C12orf56: variants seen among roughly 807,000 people sequenced by gnomAD.
C12orf56 encodes the protein chromosome 12 open reading frame 56.
Under a neutral mutation model 69.9 loss-of-function variants are expected in C12orf56, and 71 were observed. The ratio of observed to expected loss-of-function variants is 1.02; its 90% confidence interval spans 0.84 to 1.24. The LOEUF (loss-of-function observed/expected upper bound fraction) is 1.24, where lower values mean the gene tolerates loss of function less well. Ranked by LOEUF, C12orf56 falls within the 50% of genes most tolerant of loss-of-function variation. C12orf56 has a pLI of 0.00. For synonymous variants in C12orf56, 276 were observed against 274.1 expected, an observed-to-expected ratio of 1.01 and a Z score of -0.07; for missense variants, 732 against 738.5, an observed-to-expected ratio of 0.99 and a Z score of 0.10.
At chr12:64,364,173 T>G (rs1055263350) in intron 1 of C12orf56, among the ~76,000 whole-genome samples, 3 of 151,652 alleles carry the variant, frequency 2.0e-5, no homozygotes, top group African/African-American at 7.3e-5. Context: ...ATTAGGCGGG[T>G]GTGATGGCAT....
chr12:64,267,527 G>T (rs1038597442), intron 12 of C12orf56: 28 of 516,524 alleles, frequency 5.4e-5, no homozygotes, highest in Non-Finnish European at 6.9e-6. Context: ...CTGACATGTG[G>T]ACTGTCCTCA....
rs896561741 is a variant in C12orf56 at position 64,390,200 on chromosome 12, G to C, written c.252+114C>G. 3 of 1,320,940 alleles carry C rather than the reference G, an allele frequency of 2.3e-6. No individual in the cohort carries two copies. The South Asian group carries it at 4.6e-5, about 20-fold the overall frequency. 81.8% of individuals were successfully genotyped at this position (1,320,940 alleles called of 1,614,324 possible). On this transcript the variant is annotated intron_variant, in intron 1 of 12. Coordinates refer to ENST00000543942, the MANE Select transcript of C12orf56 (RefSeq NM_001170633.2). ...TTCCTCGTTCTCAAATAAGAGGAGG[G>C]GAGTCGAGGGCAGGATGGGGCAGCC...
chr12:64,317,724 C>A (rs1445362901), intron 4 of C12orf56, among the ~76,000 whole-genome samples: 1 of 151,934 alleles, frequency 6.6e-6, no homozygotes, highest in Non-Finnish European at 1.5e-5. Context: ...CACACCACTG[C>A]GCTCCAGCCT....
rs543724968 is a variant in C12orf56 at position 64,366,189 on chromosome 12, T to C, written c.253-13133A>G. Among the ~76,000 whole-genome samples the C allele has an allele frequency of 6.9e-4, 86 of 124,964 alleles. 1 individual carries two copies. The highest frequency in any genetic ancestry group is 2.5e-3 in the African/African-American group (79 of 31,220). 82.0% of individuals were successfully genotyped at this position (124,964 alleles called of 152,430 possible). A position where few individuals can be genotyped will look rare whatever the true frequency, so the allele number is the denominator to read the frequency against. ...TATAATATATAGTTTATATATTATG[T>C]ATAATATATAGCTTGTATAATATAC... On this transcript the variant is annotated intron_variant, in intron 1 of 12. Transcript: ENST00000543942.
intron 1 of C12orf56, among the ~76,000 whole-genome samples, chr12:64,358,386 A>G (rs1310371040): frequency 5.3e-5 from 8 of 151,730 alleles, no homozygotes; most frequent in Non-Finnish European, 1.2e-4. Flanking sequence ...GGAACCCAGG[A>G]GGTGGAGATT....
chr12:64,285,259 CTCTTTTCCAAAGTTTTTA>C, intron 7 of C12orf56, among the ~76,000 whole-genome samples: 1 of 151,816 alleles, frequency 6.6e-6, no homozygotes, highest in South Asian at 2.1e-4. Flanking sequence ...TTATATGTAT[CTCTTTTCCAAAGTTTTTA>C]GGATAATCAG....
At chr12:64,331,918 A>G (rs1288117063) in intron 2 of C12orf56, among the ~76,000 whole-genome samples, 2 of 151,474 alleles carry the variant, frequency 1.3e-5, no homozygotes, top group Admixed American at 6.6e-5. Flanking sequence ...CTCTCTTCCT[A>G]TAGTTACCAT....
Position 64,312,756 on chromosome 12 carries a change from A to G in C12orf56, c.895-4T>C. On this transcript the variant is annotated splice_polypyrimidine_tract_variant and splice_region_variant and intron_variant, in intron 4 of 12. Transcript: ENST00000543942. ...GATCTTGTAAAAGAGTAGCTTTCTG[A>G]AAAAGGAAAAAGTAGAAATTGTTAG... is the stretch of plus-strand genomic sequence containing the variant. The G allele has an allele frequency of 6.5e-7, 1 of 1,528,696 alleles. No individual in the cohort carries two copies. 94.7% of individuals were successfully genotyped at this position (1,528,696 alleles called of 1,614,324 possible).
At chr12:64,345,866 G>A (rs911837147) in intron 2 of C12orf56, among the ~76,000 whole-genome samples, 1 of 152,146 alleles carries the variant, frequency 6.6e-6, no homozygotes, top group African/African-American at 2.4e-5. Context: ...TCTCATGAGC[G>A]ATGAATCAAG....
intron 8 of C12orf56, among the ~76,000 whole-genome samples, chr12:64,283,236 T>C (rs574007681): frequency 1.3e-5 from 2 of 152,108 alleles, no homozygotes; most frequent in African/African-American, 2.4e-5. Flanking sequence ...CCCAGCTACT[T>C]GGGAGGCTGA....
chr12:64,283,310 C>A (rs1039007136), intron 8 of C12orf56, among the ~76,000 whole-genome samples: 1 of 152,108 alleles, frequency 6.6e-6, no homozygotes, highest in African/African-American at 2.4e-5. Flanking sequence ...TGCCATTGCA[C>A]CCCAGCCTGG....
chr12:64,328,972 G>A (rs190948592), intron 3 of C12orf56, among the ~76,000 whole-genome samples: 1 of 151,348 alleles, frequency 6.6e-6, no homozygotes, highest in East Asian at 1.9e-4. Flanking sequence ...AGCTGAAGCA[G>A]GAAAGTCGCT....
chr12:64,328,740 A>G (rs1216865381), intron 3 of C12orf56, among the ~76,000 whole-genome samples: 26 of 128,178 alleles, frequency 2.0e-4, no homozygotes, highest in African/African-American at 7.2e-4. Flanking sequence ...TATATATAGT[A>G]TCACACTTTA....
At chr12:64,277,597 G>A (rs1046778354) in intron 9 of C12orf56, 83 bp downstream of exon 9, 16 of 887,384 alleles carry the variant, frequency 1.8e-5, no homozygotes, top group South Asian at 1.1e-4. Context: ...TCTATTCTAC[G>A]GTGTCATGGT....
At chr12:64,313,274 A>AAAGAAAGAAAG (rs71092953) in intron 4 of C12orf56, among the ~76,000 whole-genome samples, 2 of 81,404 alleles carry the variant, frequency 2.5e-5, no homozygotes, top group South Asian at 5.3e-4. Flanking sequence ...AAAAAAAAAA[A>AAAGAAAGAAAG]AAAGAAAGAA....
rs929966776 is a variant in C12orf56, at chr12:64,367,511, C to CT, written c.253-14456dup. 4.7e-3 allele frequency among the ~76,000 whole-genome samples: 675 copies of CT among 143,116 alleles called. 3 individuals carry two copies. The highest frequency in any genetic ancestry group is 0.014 in the African/African-American group (567 of 39,300). The allele number at this position is 143,116 out of a possible 152,430, so 93.9% of individuals were successfully genotyped here. ...GAGACAACGTTTAAGGAGAGATACT[C>CT]TTTTTTTTTTTTGAGACAGAGCCTT... On this transcript the variant is annotated intron_variant, in intron 1 of 12. Transcript: ENST00000543942.
At chr12:64,373,817 C>T (rs2039605247) in intron 1 of C12orf56, among the ~76,000 whole-genome samples, 1 of 151,952 alleles carries the variant, frequency 6.6e-6, no homozygotes, top group Non-Finnish European at 1.5e-5. Context: ...TTTTTTTAAT[C>T]TTCTCGTTCA....
At chr12:64,369,220 C>T (rs180837082) in intron 1 of C12orf56, among the ~76,000 whole-genome samples, 27 of 150,666 alleles carry the variant, frequency 1.8e-4, no homozygotes, top group East Asian at 1.2e-3. Flanking sequence ...TTTTTTTAGA[C>T]GGAGTTTCAT....
chr12:64,297,889 G>A (rs2038388569), intron 6 of C12orf56, among the ~76,000 whole-genome samples: 1 of 152,050 alleles, frequency 6.6e-6, no homozygotes, highest in Admixed American at 6.6e-5. Context: ...ATAATCCTTT[G>A]GGTATATACC....
Sources: gnomAD v4.1 joint callset for allele counts (sites outside exome capture counted in the v4.1 genomes callset) on GRCh38, gnomAD v4.1.1 for gene constraint, MANE v1.5 for transcripts, NCBI Gene and HGNC (gene_info 2026-07-23, HGNC 2026-07-21) for gene names.